Variants in PLAG1 observed in about 807,000 individuals in gnomAD.
The protein encoded by PLAG1 is zinc finger protein PLAG1.
Under a neutral mutation model 35.5 loss-of-function variants are expected in PLAG1, and 7 were observed. The observed-to-expected ratio is 0.20, with a 90% CI of 0.11 to 0.37. The LOEUF (loss-of-function observed/expected upper bound fraction) is 0.37. PLAG1 is among the 10% of genes least tolerant of loss of function. PLAG1 has a pLI of 1.00. For synonymous variants in PLAG1, 229 were observed against 225.4 expected (o/e 1.02, Z -0.14); for missense variants, 454 against 602.8 (o/e 0.75, Z 2.58).
intron 1 of PLAG1, among the ~76,000 whole-genome samples, chr8:56,179,813 T>C (rs1811812571): frequency 6.6e-6 from 1 of 152,190 alleles, no homozygotes; most frequent in African/African-American, 2.4e-5. Context: ...ATTTTATTTA[T>C]GTTCTAAACA....
At chr8:56,208,444 C>T (rs1223936373) in intron 1 of PLAG1, among the ~76,000 whole-genome samples, 1 of 152,122 alleles carries the variant, frequency 6.6e-6, no homozygotes, top group Non-Finnish European at 1.5e-5. Context: ...TGTACTCAAA[C>T]ACGTTACTGA....
rs1811292888 is a variant in PLAG1, at chr8:56,164,345, A to G, written c.*1898T>C. The G allele has an allele frequency of 4.6e-6, 1 of 218,412 alleles. No homozygotes were observed. 13.5% of individuals were successfully genotyped at this position (218,412 alleles called of 1,614,324 possible). On this transcript the variant is annotated 3_prime_UTR_variant, in exon 5 of 5. Transcript: ENST00000316981. ...ATGTGTGTGTGTGTGTGTATTATAT[A>G]TATATATTGAAGCCCCCATTTACAT...
intron 1 of PLAG1, among the ~76,000 whole-genome samples, chr8:56,204,981 A>G (rs1248461021): frequency 6.6e-6 from 1 of 151,932 alleles, no homozygotes; most frequent in Non-Finnish European, 1.5e-5. Context: ...TCAGAAAAGC[A>G]CTTGCTAATT....
chr8:56,169,621 C>A (rs1811459283), intron 3 of PLAG1, among the ~76,000 whole-genome samples: 1 of 152,152 alleles, frequency 6.6e-6, no homozygotes, highest in Non-Finnish European at 1.5e-5. Context: ...TCACTGCAGC[C>A]TTGACTTCCC....
chr8:56,171,387 A>C (rs541334012), intron 2 of PLAG1, 198 bp from the exon 3 acceptor site: 2 of 152,336 alleles, frequency 1.3e-5, no homozygotes, highest in East Asian at 3.9e-4. Context: ...TAAATGCATA[A>C]ATAAAAAGTA....
chr8:56,187,268 G>A (rs1812048278), intron 1 of PLAG1, among the ~76,000 whole-genome samples: 1 of 152,180 alleles, frequency 6.6e-6, no homozygotes, highest in South Asian at 2.1e-4. Flanking sequence ...ATCTCAGGCA[G>A]TATAGTTCTG....
chr8:56,188,442 A>G (rs1246799020), intron 1 of PLAG1, among the ~76,000 whole-genome samples: 2 of 152,138 alleles, frequency 1.3e-5, no homozygotes, highest in Non-Finnish European at 2.9e-5. Context: ...TTTTTCTTAC[A>G]CTCTTGTTTA....
rs142003278 is a variant in PLAG1, at chr8:56,162,681, TATA to T, written c.*3559_*3561del. ...TCTATTTTTTAAAAAAATATTGGCC[TATA>T]ATATGTGTATTGCTCACTAGATGAA... is the stretch of plus-strand genomic sequence containing the variant. On this transcript the variant is annotated 3_prime_UTR_variant, in exon 5 of 5. Coordinates refer to ENST00000316981, the MANE Select transcript of PLAG1 (RefSeq NM_002655.3). 2.1e-3 allele frequency: 451 copies of T among 210,732 alleles called. No homozygotes were observed. The highest frequency in any genetic ancestry group is 9.1e-3 in the African/African-American group (404 of 44,204). The allele number at this position is 210,732 out of a possible 1,614,324, so 13.1% of individuals were successfully genotyped here.
At chr8:56,205,730 C>T (rs1408056439) in intron 1 of PLAG1, among the ~76,000 whole-genome samples, 1 of 151,876 alleles carries the variant, frequency 6.6e-6, no homozygotes, top group Non-Finnish European at 1.5e-5. Context: ...AAAATTTTTG[C>T]TTCCTAACAC....
rs1430765797 is a variant in PLAG1 at position 56,166,213 on chromosome 8, AT to A, written c.*29del. 1 of 1,492,586 alleles carries A rather than the reference AT, an allele frequency of 6.7e-7. No individual in the cohort carries two copies. The highest frequency in any genetic ancestry group is 1.4e-5 in the African/African-American group (1 of 71,272). The allele number at this position is 1,492,586 out of a possible 1,614,324, so 92.5% of individuals were successfully genotyped here. On this transcript the variant is annotated 3_prime_UTR_variant, in exon 5 of 5. Coordinates refer to ENST00000316981, the MANE Select transcript of PLAG1 (RefSeq NM_002655.3). ...TCATCTAGGGCACAGCTACACATACATTTCTGTAATGAATCCATGTCCCAGA... is the reference window on the plus strand; with the variant it reads ...TCATCTAGGGCACAGCTACACATACATTCTGTAATGAATCCATGTCCCAGA...
Position 56,166,443 on chromosome 8 carries a change from G to A in PLAG1, c.1303C>T (p.Leu435=), listed in dbSNP as rs1811355739. The A allele has an allele frequency of 6.2e-7, 1 of 1,612,942 alleles. No homozygotes were observed. The change falls in exon 5 of 5, where the codon CTA becomes TTA. Residue 435 remains leucine (L), a synonymous_variant. Transcript: ENST00000316981. The part of the protein sequence containing the change: ...IPLNGPPYNP[L]SVGSLGMSYS... ...CTCATTCCAAGGCTCCCCACTGATA[G>A]AGGATTATAGGGAGGACCATTTAAA...
chr8:56,177,017 C>T (rs962986083), intron 2 of PLAG1, among the ~76,000 whole-genome samples: 26 of 152,146 alleles, frequency 1.7e-4, no homozygotes, highest in African/African-American at 5.8e-4. Flanking sequence ...AACAAAAAGG[C>T]AGACATCAGA....
intron 1 of PLAG1, among the ~76,000 whole-genome samples, chr8:56,185,613 C>T (rs1310631385): frequency 6.6e-6 from 1 of 152,158 alleles, no homozygotes; most frequent in African/African-American, 2.4e-5. Context: ...TGCACTCAGA[C>T]CTTACTAGAA....
chr8:56,198,022 T>C (rs1812434765), intron 1 of PLAG1, among the ~76,000 whole-genome samples: 1 of 152,144 alleles, frequency 6.6e-6, no homozygotes, highest in East Asian at 1.9e-4. Context: ...GACTTCTCCC[T>C]GGAACTCATG....
At chr8:56,188,515 C>T (rs561017239) in intron 1 of PLAG1, among the ~76,000 whole-genome samples, 1 of 152,304 alleles carries the variant, frequency 6.6e-6, no homozygotes, top group East Asian at 1.9e-4. Flanking sequence ...TTAGGTCCAC[C>T]TTATAAGTCA....
intron 2 of PLAG1, chr8:56,178,060 C>A: frequency 1.1e-6 from 1 of 939,776 alleles, no homozygotes; most frequent in South Asian, 4.9e-5. Context: ...TTCCATAGCT[C>A]CTTAAGCACA....
At chr8:56,192,936 C>G (rs1250697251) in intron 1 of PLAG1, among the ~76,000 whole-genome samples, 1 of 151,448 alleles carries the variant, frequency 6.6e-6, no homozygotes, top group African/African-American at 2.4e-5. Flanking sequence ...TTAACAAATG[C>G]GTTTTAAGGA....
chr8:56,164,321 T>C lies in PLAG1; in HGVS notation c.*1922A>G, dbSNP rs891719089. Reference sequence around the variant, plus strand: ...TTCTATGAAGTGCGGTATGTGTGCATGTGTGTGTGTGTGTGTATTATATAT... The same window carrying C: ...TTCTATGAAGTGCGGTATGTGTGCACGTGTGTGTGTGTGTGTATTATATAT... On this transcript the variant is annotated 3_prime_UTR_variant, in exon 5 of 5. Transcript: ENST00000316981. The C allele has an allele frequency of 3.4e-5, 5 of 147,332 alleles. No individual in the cohort carries two copies. The highest frequency in any genetic ancestry group is 1.7e-4 in the Admixed American group (2 of 11,818). 9.1% of individuals were successfully genotyped at this position (147,332 alleles called of 1,614,324 possible). A position where few individuals can be genotyped will look rare whatever the true frequency, so the allele number is the denominator to read the frequency against.
intron 1 of PLAG1, among the ~76,000 whole-genome samples, chr8:56,202,023 A>C (rs548161232): frequency 1.8e-4 from 27 of 151,796 alleles, no homozygotes; most frequent in African/African-American, 6.0e-4. Flanking sequence ...GAAATAAAAA[A>C]TTTTGTAACA....
Sources: allele counts gnomAD v4.1 joint callset (sites outside exome capture counted in the v4.1 genomes callset), GRCh38; gene constraint gnomAD v4.1.1; transcripts MANE v1.5; gene names NCBI Gene and HGNC (gene_info 2026-07-23, HGNC 2026-07-21).